The following DLG2 variants were observed in gnomAD, a reference collection of about 807,000 sequenced individuals.
DLG2 encodes the protein disks large homolog 2.
Under a neutral mutation model 132.5 loss-of-function variants are expected in DLG2, and 45 were observed. The ratio of observed to expected loss-of-function variants is 0.34; its 90% CI spans 0.27 to 0.44. The LOEUF is 0.44. Ranked by LOEUF, DLG2 falls within the 20% of genes least tolerant of loss-of-function variation. The probability of loss-of-function intolerance (pLI) is 1.00; values close to 1 mark genes in which losing one functional copy is unlikely to be tolerated. For synonymous variants in DLG2, 424 were observed against 419.6 expected (o/e 1.01, Z -0.13); for missense variants, 1,045 against 1,196.9 (o/e 0.87, Z 1.87).
chr11:84,368,732 G>C (rs2098694169), intron 7 of DLG2, among the ~76,000 whole-genome samples: 1 of 152,078 alleles, frequency 6.6e-6, no homozygotes, highest in African/African-American at 2.4e-5. Context: ...GATGATGTGA[G>C]ATCAAATGAG....
Position 84,081,880 on chromosome 11 carries a change from T to C in DLG2, c.749+17043A>G, listed in dbSNP as rs539175572. ...AATGGTATTTCTAGTTCTAGTTCCC[T>C]GAGGAATCACCACATTGTCTTCCAC... On this transcript the variant is annotated intron_variant, in intron 10 of 27. Transcript: ENST00000376104. 5.9e-5 allele frequency among the ~76,000 whole-genome samples: 9 copies of C among 152,352 alleles called. 1 individual carries two copies. In the South Asian group the frequency reaches 1.9e-3, roughly 32 times the overall value.
chr11:85,538,466 T>C (rs2075751892), intron 3 of DLG2, among the ~76,000 whole-genome samples: 1 of 151,792 alleles, frequency 6.6e-6, no homozygotes, highest in African/African-American at 2.4e-5. Flanking sequence ...GAAATACCAT[T>C]TGACCCAGCA....
intron 3 of DLG2, among the ~76,000 whole-genome samples, chr11:85,497,060 A>C (rs2093683638): frequency 6.6e-6 from 1 of 152,078 alleles, no homozygotes; most frequent in African/African-American, 2.4e-5. Flanking sequence ...AAGGGAACAA[A>C]ATGAGATGGA....
chr11:85,320,707 A>C (rs2081002722), intron 3 of DLG2, among the ~76,000 whole-genome samples: 1 of 151,890 alleles, frequency 6.6e-6, no homozygotes, highest in Non-Finnish European at 1.5e-5. Context: ...AGGATGAAGC[A>C]AGCCATGTAA....
intron 8 of DLG2, among the ~76,000 whole-genome samples, chr11:84,179,901 C>G (rs912754118): frequency 1.3e-5 from 2 of 152,102 alleles, no homozygotes; most frequent in Admixed American, 6.6e-5. Flanking sequence ...ATACTGAAAC[C>G]TAATCACAGG....
At chr11:84,324,361 T>C (rs961670606) in intron 7 of DLG2, among the ~76,000 whole-genome samples, 8 of 152,164 alleles carry the variant, frequency 5.3e-5, no homozygotes, top group African/African-American at 1.9e-4. Context: ...ATTTGATTTT[T>C]ATCTGTGTGG....
At chr11:84,567,744 T>C (rs1039865804) in intron 6 of DLG2, among the ~76,000 whole-genome samples, 4 of 152,176 alleles carry the variant, frequency 2.6e-5, no homozygotes, top group Non-Finnish European at 5.9e-5. Flanking sequence ...GATGCCAGAA[T>C]AGGAAGTTTT....
chr11:83,622,586 G>A (rs1055728427), intron 19 of DLG2, among the ~76,000 whole-genome samples: 1 of 152,132 alleles, frequency 6.6e-6, no homozygotes, highest in Non-Finnish European at 1.5e-5. Flanking sequence ...TTGCATCCCA[G>A]AGATTTTTGT....
chr11:85,416,329 G>A (rs1565459568), intron 3 of DLG2, among the ~76,000 whole-genome samples: 1 of 152,212 alleles, frequency 6.6e-6, no homozygotes, highest in Non-Finnish European at 1.5e-5. Context: ...GTACCATGCT[G>A]TTTTGGTTAC....
chr11:84,747,583 G>A (rs1943694), intron 6 of DLG2, among the ~76,000 whole-genome samples: 145,398 of 152,298 alleles, frequency 0.95, 69,998 homozygotes, highest in Middle Eastern at 1. Context: ...ATTGCTATAA[G>A]ATAAAATAAA....
At chr11:83,906,146 T>C (rs142060448) in intron 15 of DLG2, among the ~76,000 whole-genome samples, 129 of 141,986 alleles carry the variant, frequency 9.1e-4, no homozygotes, top group African/African-American at 3.2e-3. Flanking sequence ...AAAATAAAAG[T>C]TATAAATAGT....
intron 8 of DLG2, among the ~76,000 whole-genome samples, chr11:84,223,776 C>G (rs1480283219): frequency 1.3e-5 from 2 of 152,130 alleles, no homozygotes; most frequent in African/African-American, 4.8e-5. Context: ...AGGCTGGCCT[C>G]AAACTCCTGA....
At chr11:84,931,134 G>T (rs2048036530) in intron 6 of DLG2, among the ~76,000 whole-genome samples, 1 of 151,964 alleles carries the variant, frequency 6.6e-6, no homozygotes, top group African/African-American at 2.4e-5. Context: ...TCTGACCTTA[G>T]GTTTCCCCAC....
intron 4 of DLG2, among the ~76,000 whole-genome samples, chr11:85,178,799 C>A (rs1372704383): frequency 6.6e-6 from 1 of 151,610 alleles, no homozygotes; most frequent in African/African-American, 2.4e-5. Context: ...CACAAGAAAT[C>A]CCCTCAGAAC....
intron 17 of DLG2, among the ~76,000 whole-genome samples, chr11:83,807,560 G>T (rs1356279975): frequency 6.6e-6 from 1 of 152,106 alleles, no homozygotes; most frequent in Non-Finnish European, 1.5e-5. Flanking sequence ...CAAAGTGAAT[G>T]CTCAGTAAAT....
At chr11:83,919,568 A>G (rs993778331) in intron 15 of DLG2, among the ~76,000 whole-genome samples, 1 of 152,152 alleles carries the variant, frequency 6.6e-6, no homozygotes, top group African/African-American at 2.4e-5. Context: ...GCTGTTGACT[A>G]TATCCACAAA....
chr11:83,572,821 C>A (rs2096820609), intron 19 of DLG2, among the ~76,000 whole-genome samples: 2 of 152,100 alleles, frequency 1.3e-5, no homozygotes, highest in South Asian at 2.1e-4. Context: ...TGAATGAACT[C>A]CTTAATTCGT....
At chr11:85,583,134 A>G (rs1000656512) in intron 3 of DLG2, among the ~76,000 whole-genome samples, 731 of 38,208 alleles carry the variant, frequency 0.019, 8 homozygotes, top group African/African-American at 0.062. Flanking sequence ...GTGTGTGTAT[A>G]TATATATATA....
At chr11:84,501,553 C>T (rs917242699) in intron 7 of DLG2, among the ~76,000 whole-genome samples, 6 of 151,732 alleles carry the variant, frequency 4.0e-5, no homozygotes, top group Admixed American at 1.3e-4. Flanking sequence ...GTGACAGAGC[C>T]GAGACTCCGT....
Sources: gnomAD v4.1 joint callset for allele counts (sites outside exome capture counted in the v4.1 genomes callset) on GRCh38, gnomAD v4.1.1 for gene constraint, MANE v1.5 for transcripts, NCBI Gene and HGNC (gene_info 2026-07-23, HGNC 2026-07-21) for gene names.